The following THSD7A variants were observed in gnomAD, a reference collection of about 807,000 sequenced individuals.
THSD7A encodes the protein thrombospondin type 1 domain containing 7A.
A neutral mutation model predicts 231.3 loss-of-function variants in THSD7A; 96 were observed. The observed-to-expected ratio is 0.41, with a 90% CI of 0.35 to 0.49. The LOEUF is 0.49. Ranked by LOEUF, THSD7A falls within the 20% of genes least tolerant of loss-of-function variation. The pLI, the probability that THSD7A is intolerant of heterozygous loss-of-function variation, is 0.05. For missense variants in THSD7A, 2,290 were observed against 2,070.2 expected, an observed-to-expected ratio of 1.11 and a Z score of -2.06; for synonymous variants, 940 against 743.3, an observed-to-expected ratio of 1.26 and a Z score of -4.30.
intron 1 of THSD7A, among the ~76,000 whole-genome samples, chr7:11,643,605 A>G (rs77958633): frequency 7.3e-4 from 89 of 121,328 alleles, no homozygotes; most frequent in Non-Finnish European, 7.8e-4. Context: ...GCACGCGCGC[A>G]CACACACACA....
chr7:11,401,078 A>G (rs1205273833), intron 23 of THSD7A, among the ~76,000 whole-genome samples: 1 of 152,168 alleles, frequency 6.6e-6, no homozygotes, highest in Non-Finnish European at 1.5e-5. Flanking sequence ...ATTAAAATCA[A>G]TTTTTACCAA....
Position 11,825,054 on chromosome 7 carries a change from A to G in THSD7A, c.190+6703T>C, listed in dbSNP as rs866796501. On this transcript the variant is annotated intron_variant, in intron 1 of 27. Coordinates refer to ENST00000423059, the MANE Select transcript of THSD7A (RefSeq NM_015204.3). The stretch of plus-strand genomic sequence containing the variant: ...ATGTCTATAATACAATAATTTTTCT[A>G]TATATTTTTTTTTGTCTTTCATGCT... 5.4e-5 allele frequency among the ~76,000 whole-genome samples: 7 copies of G among 129,508 alleles called. No individual in the cohort carries two copies. The South Asian group carries it at 1.5e-3, about 28-fold the overall frequency. The allele number at this position is 129,508 out of a possible 152,430, so 85.0% of individuals were successfully genotyped here.
In THSD7A at chr7:11,444,179, G is replaced by C. The variant is rs1401247069; in HGVS notation, c.3064+1882C>G. Among the ~76,000 whole-genome samples, 5 of 152,080 alleles carry C rather than the reference G, an allele frequency of 3.3e-5. No individual in the cohort carries two copies. The highest frequency in any genetic ancestry group is 7.4e-5 in the Non-Finnish European group (5 of 68,014). On this transcript the variant is annotated intron_variant, in intron 13 of 27. Coordinates refer to ENST00000423059, the MANE Select transcript of THSD7A (RefSeq NM_015204.3). The surrounding 1 kb of genome is among the most constrained non-coding windows in gnomAD (Gnocchi z 4.2). ...ATGCTGGCGAGGATGTGGAGAAAGA[G>C]GAACACTTTTACAATGTTGGTGGGA...
At chr7:11,651,526 G>C (rs1175166597) in intron 1 of THSD7A, among the ~76,000 whole-genome samples, 1 of 129,800 alleles carries the variant, frequency 7.7e-6, no homozygotes, top group African/African-American at 3.0e-5. Context: ...TATCTATCTA[G>C]CACTACAATG....
intron 1 of THSD7A, among the ~76,000 whole-genome samples, chr7:11,642,724 G>A (rs1378753416): frequency 6.6e-6 from 1 of 152,090 alleles, no homozygotes; most frequent in Admixed American, 6.6e-5. Context: ...ACTTGGCTTA[G>A]TTTTCCTTAG....
chr7:11,675,735 G>C (rs987377932), intron 1 of THSD7A, among the ~76,000 whole-genome samples: 2 of 152,206 alleles, frequency 1.3e-5, no homozygotes, highest in South Asian at 4.1e-4. Flanking sequence ...TCTGGGCAGG[G>C]CATCTCTGAA....
intron 1 of THSD7A, among the ~76,000 whole-genome samples, chr7:11,661,172 T>C (rs1782916559): frequency 6.6e-6 from 1 of 151,378 alleles, no homozygotes; most frequent in South Asian, 2.1e-4. Flanking sequence ...GATAAAGAAA[T>C]CATCTTTAAT....
At chr7:11,588,665 A>T (rs548538802) in intron 4 of THSD7A, among the ~76,000 whole-genome samples, 42 of 152,304 alleles carry the variant, frequency 2.8e-4, no homozygotes, top group African/African-American at 9.6e-4. Context: ...GTTGCAATTC[A>T]GAATTCTGAA....
intron 6 of THSD7A, among the ~76,000 whole-genome samples, chr7:11,519,648 G>A (rs1377315627): frequency 6.6e-6 from 1 of 152,150 alleles, no homozygotes; most frequent in Non-Finnish European, 1.5e-5. Flanking sequence ...AAATAAGGAT[G>A]AGAATGCTTA....
intron 1 of THSD7A, among the ~76,000 whole-genome samples, chr7:11,703,964 G>C (rs143201626): frequency 6.6e-6 from 1 of 151,266 alleles, no homozygotes; most frequent in African/African-American, 2.4e-5. Flanking sequence ...AACAGACACA[G>C]ACTTGAGTTG....
At chr7:11,479,671 T>G (rs1397303083) in intron 7 of THSD7A, among the ~76,000 whole-genome samples, 3 of 152,184 alleles carry the variant, frequency 2.0e-5, no homozygotes. Flanking sequence ...TGTGTTTCAG[T>G]GTCCAACAAA....
intron 27 of THSD7A, 22 bp from the exon 28 acceptor site, chr7:11,375,900 G>A: frequency 6.2e-7 from 1 of 1,607,538 alleles, no homozygotes; most frequent in South Asian, 1.1e-5. Context: ...TTCGGAATTA[G>A]GAGAAAGAAA....
At chr7:11,459,180 T>A (rs1156343276) in intron 11 of THSD7A, among the ~76,000 whole-genome samples, 1 of 152,108 alleles carries the variant, frequency 6.6e-6, no homozygotes, top group Non-Finnish European at 1.5e-5. Context: ...TCCTAAAATA[T>A]CATTTGGTCC....
rs532983358 is a variant in THSD7A at position 11,571,395 on chromosome 7, C to A, written c.1453+19065G>T. On this transcript the variant is annotated intron_variant, in intron 4 of 27. Transcript: ENST00000423059. ...CCCCTGTTGAGCTACTGCTGAATTT[C>A]ATCTCATACTTCTTGCTAAATCATT... Among the ~76,000 whole-genome samples the A allele has an allele frequency of 1.1e-4, 16 of 152,316 alleles. No homozygotes were observed. In the South Asian group the frequency reaches 3.3e-3, roughly 32 times the overall value.
chr7:11,448,050 A>C (rs1785029413), intron 11 of THSD7A, among the ~76,000 whole-genome samples: 1 of 152,118 alleles, frequency 6.6e-6, no homozygotes, highest in Admixed American at 6.6e-5. Flanking sequence ...GCAATGTCAA[A>C]GTCCTCCATC....
chr7:11,707,238 T>G (rs1780798711), intron 1 of THSD7A, among the ~76,000 whole-genome samples: 1 of 150,912 alleles, frequency 6.6e-6, no homozygotes, highest in African/African-American at 2.4e-5. Flanking sequence ...TTCTTTAAAT[T>G]TAATCCCAAG....
intron 1 of THSD7A, among the ~76,000 whole-genome samples, chr7:11,713,127 C>T (rs1050669721): frequency 1.3e-5 from 2 of 151,144 alleles, no homozygotes; most frequent in African/African-American, 4.8e-5. Context: ...AAAGCCATGG[C>T]TCATTAATTA....
intron 2 of THSD7A, among the ~76,000 whole-genome samples, chr7:11,613,488 A>C (rs1781004192): frequency 6.6e-6 from 1 of 152,180 alleles, no homozygotes; most frequent in Non-Finnish European, 1.5e-5. Flanking sequence ...GTTGTTGTGC[A>C]GAGTCATATC....
rs140394407 is a variant in THSD7A, at chr7:11,662,541, T to A, written c.191-25580A>T. 8.3e-4 allele frequency among the ~76,000 whole-genome samples: 126 copies of A among 151,434 alleles called. 1 individual carries two copies. Among genetic ancestry groups the A allele is most frequent in the African/African-American group, 2.9e-3 (120 of 41,458 alleles). The stretch of plus-strand genomic sequence containing the variant: ...AATTTAGAAGATTAGAACAACATGA[T>A]TAACAAAATAACATAATTGGCATAC... On this transcript the variant is annotated intron_variant, in intron 1 of 27. Transcript: ENST00000423059.
Sources: gnomAD v4.1 joint callset for allele counts (sites outside exome capture counted in the v4.1 genomes callset) on GRCh38, gnomAD v4.1.1 for gene constraint, Gnocchi (gnomAD v3.1) non-coding constraint, MANE v1.5 for transcripts, NCBI Gene and HGNC (gene_info 2026-07-23, HGNC 2026-07-21) for gene names.